Variants in TP53INP2 observed in about 807,000 individuals in gnomAD.
TP53INP2 encodes tumor protein p53-inducible nuclear protein 2.
Under a neutral mutation model 17.1 loss-of-function variants are expected in TP53INP2, and 12 were observed. The ratio of observed to expected loss-of-function variants is 0.70; its 90% CI spans 0.45 to 1.14. The LOEUF (loss-of-function observed/expected upper bound fraction) is 1.14. Among genes scored for constraint, TP53INP2 ranks in the 50% most tolerant of loss-of-function variants. The pLI is 0.00. For missense variants in TP53INP2, 342 were observed against 330.9 expected (o/e 1.03, Z -0.26); for synonymous variants, 145 against 147.3 (o/e 0.98, Z 0.12).
Position 34,710,005 on chromosome 20 carries a change from A to T in TP53INP2, c.414-53A>T. On this transcript the variant is annotated intron_variant, in intron 4 of 4. Coordinates refer to ENST00000374810, the MANE Select transcript of TP53INP2 (RefSeq NM_021202.3). This position sits in a 1 kb window ranked among gnomAD's most constrained non-coding sequence, Gnocchi z 4.9. ...AGGGTGGGAGATGGCAGCGCCCTCT[A>T]GACCCCCCGCCCAGCTTACCCGGCT... 4.3e-5 allele frequency: 18 copies of T among 421,520 alleles called. No homozygotes were observed. The highest frequency in any genetic ancestry group is 5.8e-5 in the Non-Finnish European group (18 of 311,898). 26.1% of individuals were successfully genotyped at this position (421,520 alleles called of 1,614,324 possible). A position where few individuals can be genotyped will look rare whatever the true frequency, so the allele number is the denominator to read the frequency against.
At chr20:34,708,950 A>T in intron 3 of TP53INP2, 87 bp downstream of exon 3, 1 of 1,540,114 alleles carries the variant, frequency 6.5e-7, no homozygotes, top group Non-Finnish European at 8.8e-7. Flanking sequence ...CTGCTGGGGG[A>T]CGGGGGAGTC....
In TP53INP2 at chr20:34,708,839, G is replaced by A. The variant is rs1988065036; in HGVS notation, c.100G>A (p.Gly34Ser). 2 of 1,613,840 alleles carry A rather than the reference G, an allele frequency of 1.2e-6. No homozygotes were observed. The highest frequency in any genetic ancestry group is 1.7e-6 in the Non-Finnish European group (2 of 1,179,920). The part of the protein sequence containing the change: ...AFVSEEDEVD[G>S]WLIIDLPDSY... The stretch of plus-strand genomic sequence containing the variant: ...CGTGTCGGAGGAGGATGAAGTGGAC[G>A]GCTGGCTCATCATTGACCTGCCGGG... Residue 34 changes from glycine (G) to serine (S), a missense_variant, in exon 3 of 5, where the codon GGC (glycine) becomes AGC (serine). Gly to Ser is a moderately conservative substitution (Grantham distance 56). Coordinates refer to ENST00000374810, the MANE Select transcript of TP53INP2 (RefSeq NM_021202.3).
rs1031070022 is a variant in TP53INP2, at chr20:34,711,062, G to A, written c.*755G>A. On this transcript the variant is annotated 3_prime_UTR_variant, in exon 5 of 5. Transcript: ENST00000374810. This position sits in a 1 kb window ranked among gnomAD's most constrained non-coding sequence, Gnocchi z 4.1. ...CACGTTGAGAAGCTGCAGGGAGCAGGGCACCAAGGGAGTGTGCACTGTGCT... is the reference window on the plus strand; with the variant it reads ...CACGTTGAGAAGCTGCAGGGAGCAGAGCACCAAGGGAGTGTGCACTGTGCT... The A allele has an allele frequency of 2.6e-5, 4 of 152,368 alleles. No homozygotes were observed. Among genetic ancestry groups the A allele is most frequent in the Admixed American group, 6.5e-5 (1 of 15,284 alleles). The allele number at this position is 152,368 out of a possible 1,614,324, so 9.4% of individuals were successfully genotyped here.
chr20:34,706,923 C>T (rs1365771260), intron 2 of TP53INP2, among the ~76,000 whole-genome samples: 1 of 152,140 alleles, frequency 6.6e-6, no homozygotes, highest in Non-Finnish European at 1.5e-5. Flanking sequence ...TGTGGAGAGT[C>T]AGTCAGGCTT....
chr20:34,709,305 C>T lies in TP53INP2; in HGVS notation c.194C>T (p.Ser65Phe). The T allele has an allele frequency of 1.2e-6, 2 of 1,612,600 alleles. No homozygotes were observed. Among genetic ancestry groups the T allele is most frequent in the Non-Finnish European group, 1.7e-6 (2 of 1,179,520 alleles). Reference sequence around the variant, plus strand: ...GCGGGCCGCCCTCCGCCCGCGCCCTCCTTGATGGACGAGAGCTGGTTTGTT... The same window carrying T: ...GCGGGCCGCCCTCCGCCCGCGCCCTTCTTGATGGACGAGAGCTGGTTTGTT... ...APAGRPPPAP[S>F]LMDESWFVTP... Residue 65 changes from serine to phenylalanine, a missense_variant, in exon 4 of 5, where the codon TCC (serine) becomes TTC (phenylalanine). Physicochemically the swap from Ser to Phe is radical, Grantham distance 155. Coordinates refer to ENST00000374810, the MANE Select transcript of TP53INP2 (RefSeq NM_021202.3). The surrounding 1 kb of genome is among the most constrained non-coding windows in gnomAD (Gnocchi z 5.4).
At chr20:34,707,739 ACATGAG>A (rs1453591011) in intron 2 of TP53INP2, among the ~76,000 whole-genome samples, 1 of 152,242 alleles carries the variant, frequency 6.6e-6, no homozygotes, top group Non-Finnish European at 1.5e-5. Context: ...TGTGAGGATT[ACATGAG>A]GTAATATAGG....
Position 34,709,612 on chromosome 20 carries a change from C to T in TP53INP2, c.413+88C>T, listed in dbSNP as rs1450350779. On this transcript the variant is annotated intron_variant, in intron 4 of 4. Transcript: ENST00000374810. This position sits in a 1 kb window ranked among gnomAD's most constrained non-coding sequence, Gnocchi z 5.4. ...GGCTAGGAGGCTGGGGTAGTGGGGCCAGGAGCCCGCCCCGCGCTCGAGGGG... is the reference window on the plus strand; with the variant it reads ...GGCTAGGAGGCTGGGGTAGTGGGGCTAGGAGCCCGCCCCGCGCTCGAGGGG... The T allele has an allele frequency of 2.7e-6, 4 of 1,461,334 alleles. No individual in the cohort carries two copies. Among genetic ancestry groups the T allele is most frequent in the Non-Finnish European group, 2.7e-6 (3 of 1,114,674 alleles). The allele number at this position is 1,461,334 out of a possible 1,614,324, so 90.5% of individuals were successfully genotyped here. A position where few individuals can be genotyped will look rare whatever the true frequency, so the allele number is the denominator to read the frequency against.
Position 34,710,091 on chromosome 20 carries a change from C to T in TP53INP2, c.447C>T (p.Ala149=), listed in dbSNP as rs764154318. The part of the protein sequence containing the change: ...ELTPARREPR[A]ARHAAPLPAR... ...CGCCCGCCCGCCGCGAGCCGCGGGC[C>T]GCGCGCCACGCCGCTCCTCTCCCAG... The change falls in exon 5 of 5, where the codon GCC becomes GCT. Residue 149 remains alanine (A), a synonymous_variant. Transcript: ENST00000374810. This position sits in a 1 kb window ranked among gnomAD's most constrained non-coding sequence, Gnocchi z 4.9. The T allele has an allele frequency of 9.4e-6, 12 of 1,276,562 alleles. No individual in the cohort carries two copies. Among genetic ancestry groups the T allele is most frequent in the African/African-American group, 3.1e-5 (2 of 65,090 alleles). 79.1% of individuals were successfully genotyped at this position (1,276,562 alleles called of 1,614,324 possible).
At chr20:34,707,444 T>C (rs1988028201) in intron 2 of TP53INP2, among the ~76,000 whole-genome samples, 1 of 152,156 alleles carries the variant, frequency 6.6e-6, no homozygotes, top group African/African-American at 2.4e-5. Context: ...GGGTCAAAGA[T>C]TGCTGTTTAG....
In TP53INP2 at chr20:34,708,876, T is replaced by C; in HGVS notation, c.124+13T>C. ...ATTGACCTGCCGGGTGAGGCCTGGG[T>C]CTGTCTCCTGGGCCTGTGAAGTCAT... On this transcript the variant is annotated intron_variant, in intron 3 of 4. Coordinates refer to ENST00000374810, the MANE Select transcript of TP53INP2 (RefSeq NM_021202.3). 6.2e-7 allele frequency: 1 copy of C among 1,612,146 alleles called. No individual in the cohort carries two copies. Among genetic ancestry groups the C allele is most frequent in the Non-Finnish European group, 8.5e-7 (1 of 1,178,904 alleles).
Position 34,709,954 on chromosome 20 carries a change from AACAG to A in TP53INP2, c.414-100_414-97del. On this transcript the variant is annotated intron_variant, in intron 4 of 4. Transcript: ENST00000374810. This position sits in a 1 kb window ranked among gnomAD's most constrained non-coding sequence, Gnocchi z 5.4. Reference sequence around the variant, plus strand: ...GAAGGGCGTCGGGCACCCCAATCTGAACAGACACAGAACTGAGCCGAAGCAAGGG... The same window carrying A: ...GAAGGGCGTCGGGCACCCCAATCTGAACACAGAACTGAGCCGAAGCAAGGG... 1.6e-6 allele frequency: 2 copies of A among 1,246,186 alleles called. No individual in the cohort carries two copies. The highest frequency in any genetic ancestry group is 6.0e-5 in the Admixed American group (2 of 33,260). 77.2% of individuals were successfully genotyped at this position (1,246,186 alleles called of 1,614,324 possible).
chr20:34,710,791 C>A lies in TP53INP2; in HGVS notation c.*484C>A, dbSNP rs986819835. On this transcript the variant is annotated 3_prime_UTR_variant, in exon 5 of 5. Coordinates refer to ENST00000374810, the MANE Select transcript of TP53INP2 (RefSeq NM_021202.3). The surrounding 1 kb of genome is among the most constrained non-coding windows in gnomAD (Gnocchi z 4.9). ...GTAATTCCCTACCAAATGGTGGGGA[C>A]CCTGAGCCCAGCTCTGACCAGGTAG... 1 of 152,722 alleles carries A rather than the reference C, an allele frequency of 6.5e-6. No homozygotes were observed. The highest frequency in any genetic ancestry group is 2.4e-5 in the African/African-American group (1 of 41,488). 9.5% of individuals were successfully genotyped at this position (152,722 alleles called of 1,614,324 possible).
In TP53INP2 at chr20:34,709,701, C is replaced by T. The variant is rs1988118226; in HGVS notation, c.413+177C>T. On this transcript the variant is annotated intron_variant, in intron 4 of 4. Transcript: ENST00000374810. The surrounding 1 kb of genome is among the most constrained non-coding windows in gnomAD (Gnocchi z 5.4). ...GGGGCCGGTGGGCCTCCGGGCGAGG[C>T]TAGAAGCGGGCCTGAGGACGGAGGG... Among the ~76,000 whole-genome samples the T allele has an allele frequency of 6.6e-6, 1 of 151,824 alleles. No individual in the cohort carries two copies. Among genetic ancestry groups the T allele is most frequent in the South Asian group, 2.1e-4 (1 of 4,812 alleles).
At position 34,710,720 on chromosome 20, in the gene TP53INP2, A is replaced by G. The variant is rs1200695994; in HGVS notation, c.*413A>G. 1.3e-5 allele frequency: 2 copies of G among 159,824 alleles called. No homozygotes were observed. Among genetic ancestry groups the G allele is most frequent in the Non-Finnish European group, 2.7e-5 (2 of 73,406 alleles). The allele number at this position is 159,824 out of a possible 1,614,324, so 9.9% of individuals were successfully genotyped here. Reference sequence around the variant, plus strand: ...CACCTTACATGTCTCACACTATCCCATGGTTGGCATTACACTCACTCCTGT... The same window carrying G: ...CACCTTACATGTCTCACACTATCCCGTGGTTGGCATTACACTCACTCCTGT... On this transcript the variant is annotated 3_prime_UTR_variant, in exon 5 of 5. Transcript: ENST00000374810. The surrounding 1 kb of genome is among the most constrained non-coding windows in gnomAD (Gnocchi z 4.9).
chr20:34,705,089 T>C (rs910870), intron 1 of TP53INP2, among the ~76,000 whole-genome samples: 73,972 of 152,050 alleles, frequency 0.49, 20,194 homozygotes, highest in African/African-American at 0.75. Context: ...ATGTCACTCC[T>C]AGACCCAAAA....
chr20:34,710,006 G>GGGGGGGGCC lies in TP53INP2; in HGVS notation c.414-52_414-51insGGGGGGGCC. 1 of 1,244,694 alleles carries GGGGGGGGCC rather than the reference G, an allele frequency of 8.0e-7. No homozygotes were observed. The highest frequency in any genetic ancestry group is 1.0e-6 in the Non-Finnish European group (1 of 985,428). 77.1% of individuals were successfully genotyped at this position (1,244,694 alleles called of 1,614,324 possible). The stretch of plus-strand genomic sequence containing the variant: ...GGGTGGGAGATGGCAGCGCCCTCTA[G>GGGGGGGGCC]ACCCCCCGCCCAGCTTACCCGGCTT... On this transcript the variant is annotated intron_variant, in intron 4 of 4. Coordinates refer to ENST00000374810, the MANE Select transcript of TP53INP2 (RefSeq NM_021202.3). This position sits in a 1 kb window ranked among gnomAD's most constrained non-coding sequence, Gnocchi z 4.9.
At position 34,710,207 on chromosome 20, in the gene TP53INP2, C is replaced by A. The variant is rs902395964; in HGVS notation, c.563C>A (p.Ala188Glu). Residue 188 changes from alanine to glutamate, a missense_variant, in exon 5 of 5, where the codon GCG becomes GAG. Transcript: ENST00000374810. This position sits in a 1 kb window ranked among gnomAD's most constrained non-coding sequence, Gnocchi z 4.9. ...GAGCGCCACGCGCTGAGCGCCAAGG[C>A]GGTGCAGCGGCAGAACCGAGCCCGC... ...RAERHALSAK[A>E]VQRQNRARES... The A allele has an allele frequency of 1.4e-6, 2 of 1,470,490 alleles. No individual in the cohort carries two copies. Among genetic ancestry groups the A allele is most frequent in the South Asian group, 1.4e-5 (1 of 73,048 alleles). The allele number at this position is 1,470,490 out of a possible 1,614,324, so 91.1% of individuals were successfully genotyped here.
Position 34,709,487 on chromosome 20 carries a change from C to T in TP53INP2, c.376C>T (p.Pro126Ser), listed in dbSNP as rs377101030. 1 of 1,611,810 alleles carries T rather than the reference C, an allele frequency of 6.2e-7. No homozygotes were observed. Among genetic ancestry groups the T allele is most frequent in the East Asian group, 2.2e-5 (1 of 44,870 alleles). Residue 126 changes from proline to serine, a missense_variant, in exon 4 of 5, where the codon CCG (proline) becomes TCG (serine). Coordinates refer to ENST00000374810, the MANE Select transcript of TP53INP2 (RefSeq NM_021202.3). The surrounding 1 kb of genome is among the most constrained non-coding windows in gnomAD (Gnocchi z 5.4). ...AGAGCCCGGGTCCCCTTCCCCGCTC[C>T]CGGACGCGGCCCTGCCTGACGGCGA... ...VLEPGSPSPL[P>S]DAALPDGDLS...
Position 34,709,394 on chromosome 20 carries a change from C to A in TP53INP2, c.283C>A (p.Pro95Thr). 1.2e-6 allele frequency: 2 copies of A among 1,613,896 alleles called. No individual in the cohort carries two copies. The highest frequency in any genetic ancestry group is 1.7e-6 in the Non-Finnish European group (2 of 1,179,874). Residue 95 changes from proline (P) to threonine (T), a missense_variant, in exon 4 of 5, where the codon CCC becomes ACC. Coordinates refer to ENST00000374810, the MANE Select transcript of TP53INP2 (RefSeq NM_021202.3). The surrounding 1 kb of genome is among the most constrained non-coding windows in gnomAD (Gnocchi z 5.4). ...GLGPARLQSS[P>T]LEDLLIEHPS... ...CGGTCCCGCCCGCCTCCAGAGCAGT[C>A]CCCTGGAGGACCTCCTCATCGAGCA...
Sources: gnomAD v4.1 joint callset for allele counts (sites outside exome capture counted in the v4.1 genomes callset) on GRCh38, gnomAD v4.1.1 for gene constraint, Gnocchi (gnomAD v3.1) non-coding constraint, MANE v1.5 for transcripts, NCBI Gene and HGNC (gene_info 2026-07-23, HGNC 2026-07-21) for gene names.